DLG2: variants seen among roughly 807,000 people sequenced by gnomAD.
DLG2 encodes the protein disks large homolog 2.
Under a neutral mutation model 132.5 loss-of-function variants are expected in DLG2, and 45 were observed. The observed-to-expected ratio is 0.34, with a 90% CI of 0.27 to 0.44. DLG2 has a LOEUF of 0.44. Ranked by LOEUF, DLG2 falls within the 20% of genes least tolerant of loss-of-function variation. The pLI is 1.00. For synonymous variants in DLG2, 424 were observed against 419.6 expected (o/e 1.01, Z -0.13); for missense variants, 1,045 against 1,196.9 (o/e 0.87, Z 1.87).
intron 6 of DLG2, among the ~76,000 whole-genome samples, chr11:85,081,348 C>G (rs2067204410): frequency 6.6e-6 from 1 of 152,114 alleles, no homozygotes; most frequent in Admixed American, 6.5e-5. Flanking sequence ...ATATTGAACA[C>G]TTAGGATATA....
intron 3 of DLG2, among the ~76,000 whole-genome samples, chr11:85,336,831 A>G (rs1329341457): frequency 6.6e-6 from 1 of 152,084 alleles, no homozygotes; most frequent in Middle Eastern, 3.2e-3. Context: ...TTTAACTTTA[A>G]CCCACTATTT....
chr11:84,536,411 T>C lies in DLG2; in HGVS notation c.358-1680A>G, dbSNP rs1376210111. Among the ~76,000 whole-genome samples, 3 of 151,816 alleles carry C rather than the reference T, an allele frequency of 2.0e-5. No homozygotes were observed. The South Asian group carries it at 6.2e-4, about 32-fold the overall frequency. On this transcript the variant is annotated intron_variant, in intron 6 of 27. Transcript: ENST00000376104. ...TCTGAAAACTGAATTGGCTGCTTAG[T>C]AGAAAAAAAAAAATCACTGAGAATA...
intron 6 of DLG2, among the ~76,000 whole-genome samples, chr11:85,084,301 A>G (rs1296124494): frequency 1.3e-5 from 2 of 152,174 alleles, no homozygotes; most frequent in African/African-American, 4.8e-5. Flanking sequence ...AGTGAGCTCA[A>G]GTAGGGTACT....
intron 15 of DLG2, among the ~76,000 whole-genome samples, chr11:83,894,251 C>T (rs2070884978): frequency 6.6e-6 from 1 of 152,122 alleles, no homozygotes; most frequent in Admixed American, 6.6e-5. Context: ...GAAGCAAGCC[C>T]AGTTCCTGTT....
chr11:84,163,645 T>C, intron 8 of DLG2, 134 bp from the exon 9 acceptor site: 1 of 696,374 alleles, frequency 1.4e-6, no homozygotes. Context: ...ATATTTCTGA[T>C]TGTGCATTTT....
At chr11:85,007,664 CAAAAAAAAAAAAA>C (rs57188165) in intron 6 of DLG2, among the ~76,000 whole-genome samples, 1 of 88,534 alleles carries the variant, frequency 1.1e-5, no homozygotes, top group Non-Finnish European at 2.2e-5. Context: ...GACTCCGTCT[CAAAAAAAAAAAAA>C]AAAAAAAAAA....
At chr11:85,071,797 T>C (rs969904700) in intron 6 of DLG2, among the ~76,000 whole-genome samples, 1 of 151,972 alleles carries the variant, frequency 6.6e-6, no homozygotes, top group South Asian at 2.1e-4. Context: ...TAGAATAAAC[T>C]GGACCAAGCC....
At chr11:84,473,249 T>A (rs568969795) in intron 7 of DLG2, among the ~76,000 whole-genome samples, 2 of 152,038 alleles carry the variant, frequency 1.3e-5, no homozygotes, top group South Asian at 4.1e-4. Flanking sequence ...TGGTGAATCC[T>A]TGTCCACTAG....
At chr11:85,337,059 A>T (rs1028087364) in intron 3 of DLG2, among the ~76,000 whole-genome samples, 40 of 152,234 alleles carry the variant, frequency 2.6e-4, no homozygotes, top group African/African-American at 8.0e-4. Flanking sequence ...CTCTTCATTG[A>T]ATCAACTGAA....
chr11:84,385,849 G>A (rs2098767800), intron 7 of DLG2, among the ~76,000 whole-genome samples: 1 of 152,058 alleles, frequency 6.6e-6, no homozygotes, highest in Non-Finnish European at 1.5e-5. Context: ...ATAATTTTGT[G>A]TTTCCTATTT....
chr11:83,671,223 G>A (rs1370488013), intron 18 of DLG2, among the ~76,000 whole-genome samples: 1 of 152,168 alleles, frequency 6.6e-6, no homozygotes, highest in East Asian at 1.9e-4. Flanking sequence ...GAATTATCTA[G>A]TTTTAATTAG....
chr11:83,931,498 C>A (rs1428006747), intron 14 of DLG2, among the ~76,000 whole-genome samples: 3 of 152,144 alleles, frequency 2.0e-5, no homozygotes, highest in African/African-American at 7.2e-5. Context: ...GTCCTTTTAC[C>A]TCAGTAGCAC....
At chr11:84,536,852 C>T (rs2099356683) in intron 6 of DLG2, among the ~76,000 whole-genome samples, 1 of 152,298 alleles carries the variant, frequency 6.6e-6, no homozygotes, top group Middle Eastern at 3.4e-3. Context: ...CCCCCACCAA[C>T]ACTGTCCATG....
At chr11:84,516,558 TGAATCAG>T (rs1383195560) in intron 7 of DLG2, among the ~76,000 whole-genome samples, 4 of 151,542 alleles carry the variant, frequency 2.6e-5, no homozygotes, top group African/African-American at 9.7e-5. Context: ...ACAAGGAGAT[TGAATCAG>T]TATAAAGTCT....
At chr11:84,603,437 A>G (rs2099580180) in intron 6 of DLG2, among the ~76,000 whole-genome samples, 2 of 152,010 alleles carry the variant, frequency 1.3e-5, no homozygotes. Flanking sequence ...CAATTTGCTC[A>G]TCTGTAGAAG....
chr11:84,949,553 AC>A (rs888000473), intron 6 of DLG2, among the ~76,000 whole-genome samples: 1 of 151,922 alleles, frequency 6.6e-6, no homozygotes, highest in African/African-American at 2.4e-5. Context: ...TCAGAGACCT[AC>A]CCCTAGGTGC....
chr11:84,231,491 G>T (rs1394440773), intron 8 of DLG2, among the ~76,000 whole-genome samples: 1 of 152,032 alleles, frequency 6.6e-6, no homozygotes, highest in Non-Finnish European at 1.5e-5. Context: ...CTGAAGGACG[G>T]GTAGGAGATT....
rs960934474 is a variant in DLG2 at position 85,563,714 on chromosome 11, G to A, written c.40+34943C>T. ...TGGATATACCAAAACTGGTTTATCT[G>A]TTCACCAAGCCATGGACATTTGGAA... On this transcript the variant is annotated intron_variant, in intron 3 of 27. Coordinates refer to ENST00000376104, the MANE Select transcript of DLG2 (RefSeq NM_001142699.3). Among the ~76,000 whole-genome samples, 25 of 147,234 alleles carry A rather than the reference G, an allele frequency of 1.7e-4. 1 individual carries two copies. Among genetic ancestry groups the A allele is most frequent in the Non-Finnish European group, 3.5e-4 (23 of 64,828 alleles).
chr11:85,253,861 C>A (rs924726212), intron 4 of DLG2, among the ~76,000 whole-genome samples: 4 of 151,988 alleles, frequency 2.6e-5, no homozygotes, highest in African/African-American at 9.7e-5. Context: ...GGCAATCTTC[C>A]CCTGAAGTCC....
Sources: allele counts gnomAD v4.1 joint callset (sites outside exome capture counted in the v4.1 genomes callset), GRCh38; gene constraint gnomAD v4.1.1; transcripts MANE v1.5; gene names NCBI Gene and HGNC (gene_info 2026-07-23, HGNC 2026-07-21).